The following ERG variants were observed in gnomAD, a reference collection of about 807,000 sequenced individuals.
ERG encodes transcriptional regulator ERG.
In ERG, 9 loss-of-function variants were observed where a neutral mutation model predicts 55.3. That is an observed-to-expected ratio of 0.16 (90% CI 0.10 to 0.28). The LOEUF is 0.28. ERG is among the 10% of genes least tolerant of loss of function. The probability of loss-of-function intolerance (pLI) is 1.00; values close to 1 mark genes in which losing one functional copy is unlikely to be tolerated. For missense variants in ERG, 434 were observed against 631.6 expected (o/e 0.69, Z 3.35); for synonymous variants, 223 against 237.3 (o/e 0.94, Z 0.55).
intron 2 of ERG, among the ~76,000 whole-genome samples, chr21:38,551,926 T>C (rs1428842111): frequency 1.3e-5 from 2 of 152,144 alleles, no homozygotes; most frequent in Non-Finnish European, 2.9e-5. Flanking sequence ...ATCTATCTAA[T>C]ACTGTCAGTG....
chr21:38,568,705 T>A (rs556848494), intron 2 of ERG, among the ~76,000 whole-genome samples: 2 of 152,220 alleles, frequency 1.3e-5, no homozygotes, highest in East Asian at 3.9e-4. Flanking sequence ...CGGAGCAGTA[T>A]CTAGTGATTA....
chr21:38,541,976 A>ATT (rs2059755913), intron 2 of ERG, among the ~76,000 whole-genome samples: 1 of 36,108 alleles, frequency 2.8e-5, no homozygotes, highest in South Asian at 1.3e-3. Context: ...AAGTAAAAAT[A>ATT]CTCTACACTG....
the ERG span, among the ~76,000 whole-genome samples, chr21:38,368,549 C>T: frequency 0.33 from 49,708 of 152,024 alleles, 8,462 homozygotes; most frequent in African/African-American, 0.42. Flanking sequence ...AACTCCAACA[C>T]TGGGGATTAC....
chr21:38,591,165 G>C (rs2060098340), intron 1 of ERG, among the ~76,000 whole-genome samples: 1 of 152,224 alleles, frequency 6.6e-6, no homozygotes, highest in Non-Finnish European at 1.5e-5. Flanking sequence ...CATTCAGTAA[G>C]ATGGAAAGTT....
chr21:38,489,390 T>G (rs1367549678), intron 1 of ERG, among the ~76,000 whole-genome samples: 1 of 152,246 alleles, frequency 6.6e-6, no homozygotes, highest in East Asian at 1.9e-4. Context: ...AGTGGCTTCC[T>G]TCACTAGAAT....
intron 3 of ERG, among the ~76,000 whole-genome samples, chr21:38,410,242 A>G (rs968003790): frequency 1.8e-4 from 28 of 152,374 alleles, no homozygotes; most frequent in South Asian, 1.4e-3. Flanking sequence ...TTATAATTTT[A>G]TTTTAAGAAA....
At chr21:38,500,090 T>C (rs2059410187), upstream of ERG, among the ~76,000 whole-genome samples, 1 of 152,166 alleles carries the variant, frequency 6.6e-6, no homozygotes, top group African/African-American at 2.4e-5. Context: ...CAGCTTCCAC[T>C]AGAATTCTGG....
intron 3 of ERG, among the ~76,000 whole-genome samples, chr21:38,419,202 G>A (rs1989428250): frequency 6.6e-6 from 1 of 152,152 alleles, no homozygotes; most frequent in Non-Finnish European, 1.5e-5. Context: ...GGCCTAACCA[G>A]TACCCTTTGG....
intron 1 of ERG, among the ~76,000 whole-genome samples, chr21:38,496,615 T>A (rs1444489903): frequency 6.6e-6 from 1 of 152,192 alleles, no homozygotes; most frequent in Non-Finnish European, 1.5e-5. Flanking sequence ...AATAAACACA[T>A]AATGCAATGT....
Position 38,383,201 on chromosome 21 carries a change from T to C in ERG, c.*202A>G. On this transcript the variant is annotated 3_prime_UTR_variant, in exon 10 of 10. Coordinates refer to ENST00000288319, the MANE Select transcript of ERG (RefSeq NM_182918.4). The surrounding 1 kb of genome is among the most constrained non-coding windows in gnomAD (Gnocchi z 5.7). ...GATGATATGTCCATATTCGTGACATTTTTAGCATCCTCCTCATTTCTGTAG... is the reference window on the plus strand; with the variant it reads ...GATGATATGTCCATATTCGTGACATCTTTAGCATCCTCCTCATTTCTGTAG... 7.8e-7 allele frequency: 1 copy of C among 1,285,484 alleles called. No individual in the cohort carries two copies. The highest frequency in any genetic ancestry group is 9.8e-7 in the Non-Finnish European group (1 of 1,018,712). 79.6% of individuals were successfully genotyped at this position (1,285,484 alleles called of 1,614,324 possible).
chr21:38,443,884 G>A (rs1023530572), intron 2 of ERG, among the ~76,000 whole-genome samples: 8 of 152,212 alleles, frequency 5.3e-5, no homozygotes, highest in African/African-American at 1.7e-4. Context: ...CTCCTGATGA[G>A]ATTCAAGATG....
At chr21:38,608,685 G>T (rs2060209519) in intron 1 of ERG, among the ~76,000 whole-genome samples, 1 of 152,072 alleles carries the variant, frequency 6.6e-6, no homozygotes, top group Admixed American at 6.5e-5. Context: ...TGAATTGTCT[G>T]AAAGAAAAGT....
chr21:38,566,149 T>C (rs553005595), intron 2 of ERG, among the ~76,000 whole-genome samples: 1 of 152,264 alleles, frequency 6.6e-6, no homozygotes, highest in South Asian at 2.1e-4. Context: ...CATTCTTTCA[T>C]ACCAATACAC....
intron 1 of ERG, among the ~76,000 whole-genome samples, chr21:38,494,057 C>T (rs2059360239): frequency 6.6e-6 from 1 of 152,202 alleles, no homozygotes; most frequent in African/African-American, 2.4e-5. Flanking sequence ...TCCCATTTTA[C>T]AGGTGACGAA....
At chr21:38,410,417 C>A (rs1988990295) in intron 3 of ERG, among the ~76,000 whole-genome samples, 1 of 152,218 alleles carries the variant, frequency 6.6e-6, no homozygotes, top group South Asian at 2.1e-4. Flanking sequence ...GAAGCCATCA[C>A]TCTCTGAAGC....
In ERG at chr21:38,521,513, T is replaced by C. The variant is rs539376839; in HGVS notation, c.-41+54149A>G. Among the ~76,000 whole-genome samples, 5 of 152,202 alleles carry C rather than the reference T, an allele frequency of 3.3e-5. No individual in the cohort carries two copies. The East Asian group carries it at 5.8e-4, about 18-fold the overall frequency. On this transcript the variant is annotated intron_variant, in intron 2 of 8. Coordinates refer to the ERG transcript ENST00000398897. ...GCTCATGAAAGCAAAGAGAGAAGCA[T>C]AGAGCTTAAATTTAGAACAATATTC...
At chr21:38,610,559 A>T (rs560711747) in intron 1 of ERG, among the ~76,000 whole-genome samples, 41 of 150,856 alleles carry the variant, frequency 2.7e-4, no homozygotes, top group Admixed American at 1.4e-3. Flanking sequence ...GTTTAGCAAG[A>T]GGGGCTTGAA....
intron 1 of ERG, among the ~76,000 whole-genome samples, chr21:38,655,384 C>T (rs1229790580): frequency 6.6e-6 from 1 of 152,156 alleles, no homozygotes; most frequent in East Asian, 1.9e-4. Flanking sequence ...TCCTGCTTTG[C>T]CTGTGCCTAA....
chr21:38,439,537 C>T (rs753091881), intron 2 of ERG, among the ~76,000 whole-genome samples: 4 of 152,164 alleles, frequency 2.6e-5, no homozygotes, highest in African/African-American at 4.8e-5. Context: ...CTTTCTGGTG[C>T]GTGAGGCTAG....
Sources: gnomAD v4.1 joint callset for allele counts (sites outside exome capture counted in the v4.1 genomes callset) on GRCh38, gnomAD v4.1.1 for gene constraint, Gnocchi (gnomAD v3.1) non-coding constraint, MANE v1.5 for transcripts, NCBI Gene and HGNC (gene_info 2026-07-23, HGNC 2026-07-21) for gene names.